SLAMF1: variants seen among roughly 807,000 people sequenced by gnomAD.
The protein encoded by SLAMF1 is signaling lymphocytic activation molecule.
A neutral mutation model predicts 35.1 loss-of-function variants in SLAMF1; 18 were observed. The ratio of observed to expected loss-of-function variants is 0.51; its 90% confidence interval spans 0.35 to 0.76. The LOEUF (loss-of-function observed/expected upper bound fraction) is 0.76. SLAMF1 is among the 30% of genes least tolerant of loss of function. SLAMF1 has a pLI of 0.01. For synonymous variants in SLAMF1, 168 were observed against 157.2 expected (o/e 1.07, Z -0.51); for missense variants, 392 against 413.0 (o/e 0.95, Z 0.44).
chr1:160,633,835 C>T (rs1010823591), intron 3 of SLAMF1, among the ~76,000 whole-genome samples: 1 of 152,208 alleles, frequency 6.6e-6, no homozygotes, highest in Admixed American at 6.5e-5. Context: ...ACTCCACTAT[C>T]TACATGCCAA....
In SLAMF1 at chr1:160,635,261, T is replaced by G. The variant is rs114432421; in HGVS notation, c.416-364A>C. On this transcript the variant is annotated intron_variant, in intron 2 of 6. Transcript: ENST00000302035. Reference sequence around the variant, plus strand: ...TTTTTAGTTGGCTTACGTTGTTACTTCCTAGACCTAAAAGAATGGCTTTTT... The same window carrying G: ...TTTTTAGTTGGCTTACGTTGTTACTGCCTAGACCTAAAAGAATGGCTTTTT... Among the ~76,000 whole-genome samples the G allele has an allele frequency of 7.3e-3, 1,107 of 152,334 alleles. 15 individuals are homozygous for G. The highest frequency in any genetic ancestry group is 0.026 in the African/African-American group (1,074 of 41,570).
chr1:160,635,425 A>G (rs1032103383), intron 2 of SLAMF1, among the ~76,000 whole-genome samples: 11 of 152,166 alleles, frequency 7.2e-5, no homozygotes, highest in Non-Finnish European at 2.9e-5. Context: ...TGTGTCTGAG[A>G]TAGTGATAGG....
intron 3 of SLAMF1, among the ~76,000 whole-genome samples, chr1:160,624,457 T>C (rs1391613922): frequency 1.3e-5 from 2 of 152,216 alleles, no homozygotes; most frequent in African/African-American, 2.4e-5. Flanking sequence ...AACTACCACA[T>C]GTCTAACATT....
intron 1 of SLAMF1, among the ~76,000 whole-genome samples, chr1:160,645,483 G>T (rs1660993763): frequency 6.6e-6 from 1 of 152,192 alleles, no homozygotes; most frequent in South Asian, 2.1e-4. Flanking sequence ...CGAGCTATTG[G>T]TCAGCAGTGC....
chr1:160,634,709 G>T lies in SLAMF1; in HGVS notation c.604C>A (p.His202Asn). 1 of 1,614,172 alleles carries T rather than the reference G, an allele frequency of 6.2e-7. No homozygotes were observed. Among genetic ancestry groups the T allele is most frequent in the Non-Finnish European group, 8.5e-7 (1 of 1,180,016 alleles). The stretch of plus-strand genomic sequence containing the variant: ...GTGCAGATGTAGATATTGTCAGCAT[G>T]CTGGGGGCCGAGGGTGAGGGACAGG... ...HLLSLTLGPQ[H>N]ADNIYICTVS... The change falls in exon 3 of 7, where the codon CAT (histidine) becomes AAT (asparagine). Residue 202 changes from histidine to asparagine, a missense_variant. Transcript: ENST00000302035.
chr1:160,609,545 G>T lies in SLAMF1; in HGVS notation c.*1203C>A, dbSNP rs917729193. ...GGTATGATAGTGGCTGTTTCTTACA[G>T]TACTTACCAAGTTTATATAAGAAAC... On this transcript the variant is annotated 3_prime_UTR_variant, in exon 7 of 7. Coordinates refer to ENST00000302035, the MANE Select transcript of SLAMF1 (RefSeq NM_003037.5). 22 of 152,318 alleles carry T rather than the reference G, an allele frequency of 1.4e-4. No homozygotes were observed. Among genetic ancestry groups the T allele is most frequent in the African/African-American group, 5.3e-4 (22 of 41,562 alleles). 9.4% of individuals were successfully genotyped at this position (152,318 alleles called of 1,614,324 possible).
intron 5 of SLAMF1, 35 bp from the exon 6 acceptor site, chr1:160,612,615 C>G (rs746168351): frequency 4.1e-5 from 54 of 1,305,888 alleles, no homozygotes; most frequent in Non-Finnish European, 4.9e-5. Context: ...ATTAGCTGAA[C>G]AGAGAGAGCT....
At chr1:160,629,178 C>T (rs1039024101) in intron 3 of SLAMF1, among the ~76,000 whole-genome samples, 11 of 152,098 alleles carry the variant, frequency 7.2e-5, no homozygotes, top group African/African-American at 2.7e-4. Flanking sequence ...CACCCTGGGC[C>T]CTCTCCACCT....
rs12029156 is a variant in SLAMF1 at position 160,641,245 on chromosome 1, G to T, written c.77-3716C>A. Among the ~76,000 whole-genome samples, 102 of 152,136 alleles carry T rather than the reference G, an allele frequency of 6.7e-4. 1 individual carries two copies. In the East Asian group the frequency reaches 0.016, roughly 25 times the overall value. ...CAAAACAAGATTAAAAATTGCTAGC[G>T]TAGTGTTGATTTTTAAAGACCAACT... On this transcript the variant is annotated intron_variant, in intron 1 of 6. Transcript: ENST00000302035.
At chr1:160,612,795 G>C (rs756006033) in intron 5 of SLAMF1, among the ~76,000 whole-genome samples, 2 of 152,144 alleles carry the variant, frequency 1.3e-5, no homozygotes, top group African/African-American at 2.4e-5. Flanking sequence ...GCGTCTTGGG[G>C]TGCACAACCT....
chr1:160,637,722 A>G lies in SLAMF1; in HGVS notation c.77-193T>C, dbSNP rs1479943417. 4.6e-5 allele frequency among the ~76,000 whole-genome samples: 7 copies of G among 152,216 alleles called. No homozygotes were observed. The East Asian group carries it at 7.7e-4, about 17-fold the overall frequency. On this transcript the variant is annotated intron_variant, in intron 1 of 6. Transcript: ENST00000302035. Reference sequence around the variant, plus strand: ...TATTCTCAATACTTCAAAACTGTCAATAGAAATCTTCAAATTACTTAGGAT... The same window carrying G: ...TATTCTCAATACTTCAAAACTGTCAGTAGAAATCTTCAAATTACTTAGGAT...
intron 1 of SLAMF1, among the ~76,000 whole-genome samples, chr1:160,641,739 A>G (rs1460294448): frequency 6.6e-6 from 1 of 152,198 alleles, no homozygotes; most frequent in Admixed American, 6.5e-5. Context: ...TGGGGGCTTT[A>G]AAGTGGTTCA....
intron 5 of SLAMF1, among the ~76,000 whole-genome samples, chr1:160,615,584 C>T (rs1342814751): frequency 1.3e-5 from 2 of 152,108 alleles, no homozygotes; most frequent in Admixed American, 1.3e-4. Context: ...ACCCAAATAT[C>T]GCAGAGAATA....
rs1351843476 is a variant in SLAMF1, at chr1:160,642,371, A to G, written c.76+4499T>C. ...TTTTGACATCTCTTTCATAGGGAAG[A>G]CTTTCCTGACTCCTGACTTAGGTTG... On this transcript the variant is annotated intron_variant, in intron 1 of 6. Transcript: ENST00000302035. The surrounding 1 kb of genome is among the most constrained non-coding windows in gnomAD (Gnocchi z 4.2). 2.6e-5 allele frequency among the ~76,000 whole-genome samples: 4 copies of G among 152,186 alleles called. No individual in the cohort carries two copies. The highest frequency in any genetic ancestry group is 5.9e-5 in the Non-Finnish European group (4 of 68,036).
intron 4 of SLAMF1, among the ~76,000 whole-genome samples, chr1:160,623,223 A>G (rs1659711117): frequency 6.6e-6 from 1 of 152,162 alleles, no homozygotes; most frequent in Non-Finnish European, 1.5e-5. Context: ...TCCTTATAGT[A>G]TGAGCTAAAT....
At position 160,624,126 on chromosome 1, in the gene SLAMF1, T is replaced by C; in HGVS notation, c.760A>G (p.Met254Val). ...LLGGVIMILI[M>V]VVILQLRRRG... The stretch of plus-strand genomic sequence containing the variant: ...CTTCTCAACTGTAGTATTACCACCA[T>C]GATGAGAATCATGATGACACCCCCT... The change falls in exon 4 of 7, where the codon ATG (methionine) becomes GTG (valine). Residue 254 changes from methionine (M) to valine (V), a missense_variant. Transcript: ENST00000302035. The C allele has an allele frequency of 1.9e-6, 3 of 1,609,982 alleles. No individual in the cohort carries two copies.
intron 1 of SLAMF1, among the ~76,000 whole-genome samples, chr1:160,644,055 A>G (rs551315902): frequency 1.3e-5 from 2 of 152,380 alleles, no homozygotes; most frequent in East Asian, 3.8e-4. Context: ...GATGAAAAAA[A>G]GTTTTCATTT....
chr1:160,622,060 G>A (rs1025975611), intron 4 of SLAMF1, among the ~76,000 whole-genome samples: 1 of 152,102 alleles, frequency 6.6e-6, no homozygotes, highest in Non-Finnish European at 1.5e-5. Context: ...CAGTCTTGCA[G>A]GTCAGCTCAG....
chr1:160,637,121 G>A (rs1660490980), intron 2 of SLAMF1, 70 bp downstream of exon 2: 1 of 1,018,740 alleles, frequency 9.8e-7, no homozygotes. Flanking sequence ...GCTTTTAAGA[G>A]AGACCTAAAT....
Sources: gnomAD v4.1 joint callset for allele counts (sites outside exome capture counted in the v4.1 genomes callset) on GRCh38, gnomAD v4.1.1 for gene constraint, Gnocchi (gnomAD v3.1) non-coding constraint, MANE v1.5 for transcripts, NCBI Gene and HGNC (gene_info 2026-07-23, HGNC 2026-07-21) for gene names.